SHQ1: variants seen among roughly 807,000 people sequenced by gnomAD.
SHQ1 encodes protein SHQ1 homolog.
A neutral mutation model predicts 53.8 loss-of-function variants in SHQ1; 49 were observed. That is an observed-to-expected ratio of 0.91 (90% CI 0.72 to 1.16). The LOEUF is 1.16. SHQ1 is among the 50% of genes most tolerant of loss of function. The pLI is 0.00. For missense variants in SHQ1, 738 were observed against 683.1 expected (o/e 1.08, Z -0.90); for synonymous variants, 243 against 251.0 (o/e 0.97, Z 0.30).
the SHQ1 span, among the ~76,000 whole-genome samples, chr3:72,727,522 T>A: frequency 1.3e-5 from 2 of 152,156 alleles, no homozygotes; most frequent in African/African-American, 4.8e-5. Flanking sequence ...TGGCCACACA[T>A]CAGAGCTAGG....
At chr3:72,776,314 T>A (rs1298229679) in intron 10 of SHQ1, among the ~76,000 whole-genome samples, 3 of 152,222 alleles carry the variant, frequency 2.0e-5, no homozygotes, top group Non-Finnish European at 4.4e-5. Flanking sequence ...ACCTTTTCCA[T>A]ATTTAGATAT....
At chr3:72,738,972 G>C in the SHQ1 span, among the ~76,000 whole-genome samples, 1 of 152,202 alleles carries the variant, frequency 6.6e-6, no homozygotes, top group African/African-American at 2.4e-5. Flanking sequence ...GCGGCTCCGG[G>C]GAGAGCTGGG....
chr3:72,783,029 C>A (rs1450753258), intron 10 of SHQ1, among the ~76,000 whole-genome samples: 1 of 152,132 alleles, frequency 6.6e-6, no homozygotes, highest in African/African-American at 2.4e-5. Flanking sequence ...TACAAAAATA[C>A]ACAAGAACAA....
intron 10 of SHQ1, among the ~76,000 whole-genome samples, 194 bp from the exon 11 acceptor site, chr3:72,751,030 T>C (rs1474055757): frequency 6.6e-6 from 1 of 152,180 alleles, no homozygotes; most frequent in Non-Finnish European, 1.5e-5. Context: ...CACAGATTTC[T>C]TTTATGACCC....
intron 4 of SHQ1, among the ~76,000 whole-genome samples, chr3:72,840,337 G>A (rs1470387130): frequency 6.6e-6 from 1 of 150,862 alleles, no homozygotes; most frequent in Non-Finnish European, 1.5e-5. Context: ...GCCAAGGCAG[G>A]CAAATCACTT....
the SHQ1 span, among the ~76,000 whole-genome samples, chr3:72,736,728 A>G: frequency 0.16 from 19,932 of 123,226 alleles, 1,447 homozygotes; most frequent in Non-Finnish European, 0.19. Flanking sequence ...AGGAGGCAGA[A>G]GTTGTAGTGA....
intron 9 of SHQ1, among the ~76,000 whole-genome samples, chr3:72,807,846 T>C (rs1205961655): frequency 6.6e-6 from 1 of 152,216 alleles, no homozygotes; most frequent in East Asian, 1.9e-4. Flanking sequence ...TTCTGAAAAT[T>C]TGTTTATTGA....
intron 9 of SHQ1, among the ~76,000 whole-genome samples, chr3:72,797,866 G>A (rs1476826626): frequency 2.0e-5 from 3 of 151,950 alleles, no homozygotes; most frequent in African/African-American, 7.3e-5. Flanking sequence ...ATCACAGCCA[G>A]GAGACTCACC....
chr3:72,791,598 T>C (rs868802408), intron 10 of SHQ1, among the ~76,000 whole-genome samples: 7 of 152,246 alleles, frequency 4.6e-5, no homozygotes, highest in African/African-American at 1.7e-4. Context: ...TTATCAATCA[T>C]GGCGGTAGCA....
intron 10 of SHQ1, among the ~76,000 whole-genome samples, chr3:72,778,826 G>C (rs1706014544): frequency 6.6e-6 from 1 of 152,110 alleles, no homozygotes; most frequent in South Asian, 2.1e-4. Flanking sequence ...TCTAACAAAA[G>C]CCAAAACCCT....
intron 10 of SHQ1, among the ~76,000 whole-genome samples, chr3:72,757,011 G>A (rs559333647): frequency 3.5e-4 from 53 of 152,328 alleles, no homozygotes; most frequent in African/African-American, 1.1e-3. Context: ...TGCAAAAGGA[G>A]CCTGAAATGT....
chr3:72,837,950 T>G (rs1415613423), intron 4 of SHQ1, among the ~76,000 whole-genome samples: 1 of 132,508 alleles, frequency 7.5e-6, no homozygotes, highest in African/African-American at 3.6e-5. Flanking sequence ...ATCTTGGGCT[T>G]ACACTTGATT....
At chr3:72,742,051 G>C in the SHQ1 span, among the ~76,000 whole-genome samples, 69 of 152,056 alleles carry the variant, frequency 4.5e-4, 2 homozygotes, top group East Asian at 0.011. Context: ...AGGGACGACT[G>C]TATTGTCTTT....
At chr3:72,738,629 C>G in the SHQ1 span, among the ~76,000 whole-genome samples, 1 of 152,296 alleles carries the variant, frequency 6.6e-6, no homozygotes, top group Non-Finnish European at 1.5e-5. Context: ...GGAAATCCTG[C>G]GGGTGCCTTC....
At chr3:72,821,305 G>A (rs552626539) in intron 6 of SHQ1, among the ~76,000 whole-genome samples, 1 of 152,278 alleles carries the variant, frequency 6.6e-6, no homozygotes, top group Admixed American at 6.5e-5. Flanking sequence ...GCAATAACGT[G>A]CCAAGACTCT....
chr3:72,816,946 C>T (rs1217196248), intron 7 of SHQ1, among the ~76,000 whole-genome samples: 2 of 152,158 alleles, frequency 1.3e-5, no homozygotes, highest in Non-Finnish European at 2.9e-5. Context: ...GATGAGAGCT[C>T]AGAGTAGCCT....
At chr3:72,840,073 A>T (rs1708121551) in intron 4 of SHQ1, among the ~76,000 whole-genome samples, 1 of 151,758 alleles carries the variant, frequency 6.6e-6, no homozygotes, top group African/African-American at 2.4e-5. Flanking sequence ...CCAACATGGC[A>T]AAACTCCATC....
the SHQ1 span, among the ~76,000 whole-genome samples, chr3:72,741,737 C>T: frequency 1.3e-5 from 2 of 152,206 alleles, no homozygotes; most frequent in African/African-American, 4.8e-5. Context: ...CAAGGGGATG[C>T]AGTTGGCCCT....
At chr3:72,796,433 T>C (rs1706624544) in intron 9 of SHQ1, among the ~76,000 whole-genome samples, 1 of 152,184 alleles carries the variant, frequency 6.6e-6, no homozygotes, top group Non-Finnish European at 1.5e-5. Context: ...TTACCAGACA[T>C]GCCTAAAGTG....
Sources: allele counts gnomAD v4.1 joint callset (sites outside exome capture counted in the v4.1 genomes callset), GRCh38; gene constraint gnomAD v4.1.1; transcripts MANE v1.5; gene names NCBI Gene and HGNC (gene_info 2026-07-23, HGNC 2026-07-21).